Variants in SLC4A4 observed in about 807,000 individuals in gnomAD.
SLC4A4 encodes solute carrier family 4 member 4.
In SLC4A4, 27 loss-of-function variants were observed where a neutral mutation model predicts 111.5. The observed-to-expected ratio is 0.24, with a 90% CI of 0.18 to 0.33. The LOEUF is 0.33. Among genes scored for constraint, SLC4A4 ranks in the 10% least tolerant of loss-of-function variants. The pLI, the probability that SLC4A4 is intolerant of heterozygous loss-of-function variation, is 1.00. For synonymous variants in SLC4A4, 443 were observed against 463.4 expected (o/e 0.96, Z 0.57); for missense variants, 909 against 1,315.5 (o/e 0.69, Z 4.78).
chr4:71,084,809 G>A (rs958414553), intron 1 of SLC4A4, among the ~76,000 whole-genome samples: 1 of 152,156 alleles, frequency 6.6e-6, no homozygotes, highest in African/African-American at 2.4e-5. Flanking sequence ...TACTATTGAT[G>A]GACATTTGGG....
intron 2 of SLC4A4, among the ~76,000 whole-genome samples, chr4:71,158,700 C>T (rs1017551852): frequency 1.6e-4 from 24 of 152,126 alleles, no homozygotes; most frequent in African/African-American, 5.6e-4. Context: ...TTTTGATTTC[C>T]CATCAGACTG....
chr4:71,090,050 C>T (rs539780931), intron 1 of SLC4A4, among the ~76,000 whole-genome samples: 5 of 152,000 alleles, frequency 3.3e-5, no homozygotes, highest in African/African-American at 7.2e-5. Context: ...CCACCCAGTT[C>T]GAGCTTCCTC....
intron 16 of SLC4A4, among the ~76,000 whole-genome samples, chr4:71,500,748 C>G (rs75390493): frequency 6.6e-6 from 1 of 152,156 alleles, no homozygotes; most frequent in Non-Finnish European, 1.5e-5. Flanking sequence ...ATTGTGTGTT[C>G]TTGGCATCTT....
At chr4:71,154,550 G>A (rs1744408347) in intron 2 of SLC4A4, among the ~76,000 whole-genome samples, 1 of 152,096 alleles carries the variant, frequency 6.6e-6, no homozygotes, top group South Asian at 2.1e-4. Context: ...AATCAACAAA[G>A]AATTCTGGGT....
At chr4:71,411,811 C>T (rs996040854) in intron 7 of SLC4A4, among the ~76,000 whole-genome samples, 1 of 152,170 alleles carries the variant, frequency 6.6e-6, no homozygotes, top group Non-Finnish European at 1.5e-5. Flanking sequence ...GAGCAGGGCA[C>T]TTCATTGTAA....
chr4:71,182,711 A>C (rs1172919807), upstream of SLC4A4, among the ~76,000 whole-genome samples: 3 of 141,438 alleles, frequency 2.1e-5, no homozygotes, highest in East Asian at 6.1e-4. Flanking sequence ...GTGTATGTAC[A>C]TTTCACACAC....
At chr4:71,565,258 A>G (rs1384235071) in intron 24 of SLC4A4, among the ~76,000 whole-genome samples, 1 of 151,838 alleles carries the variant, frequency 6.6e-6, no homozygotes, top group African/African-American at 2.4e-5. Flanking sequence ...AATTGGCCTT[A>G]TGTTCCCTGC....
chr4:71,489,957 G>T (rs1353868867), intron 15 of SLC4A4, among the ~76,000 whole-genome samples: 2 of 151,720 alleles, frequency 1.3e-5, no homozygotes, highest in Admixed American at 6.6e-5. Context: ...GCAGGAGAGA[G>T]GGGTATTAGA....
At chr4:71,414,542 C>T (rs1157284322) in intron 7 of SLC4A4, among the ~76,000 whole-genome samples, 1 of 152,168 alleles carries the variant, frequency 6.6e-6, no homozygotes, top group East Asian at 1.9e-4. Context: ...TCTGGTTATT[C>T]TACCCTTTTA....
chr4:71,103,979 A>G (rs1742838600), intron 2 of SLC4A4, among the ~76,000 whole-genome samples: 1 of 106,624 alleles, frequency 9.4e-6, no homozygotes, highest in Non-Finnish European at 1.9e-5. Flanking sequence ...TAATGAATCC[A>G]GGAGCTGGTT....
At chr4:71,213,813 T>A (rs1197399524) in intron 1 of SLC4A4, among the ~76,000 whole-genome samples, 1 of 152,138 alleles carries the variant, frequency 6.6e-6, no homozygotes, top group Non-Finnish European at 1.5e-5. Context: ...TGGGAGGACA[T>A]GGTAAGAAGG....
intron 15 of SLC4A4, among the ~76,000 whole-genome samples, chr4:71,490,725 T>A (rs1729825912): frequency 6.6e-6 from 1 of 151,796 alleles, no homozygotes; most frequent in Non-Finnish European, 1.5e-5. Context: ...GTATTACCCA[T>A]GCACTTGGCA....
At chr4:71,400,281 T>C (rs1360277776) in intron 7 of SLC4A4, among the ~76,000 whole-genome samples, 1 of 152,198 alleles carries the variant, frequency 6.6e-6, no homozygotes, top group Non-Finnish European at 1.5e-5. Flanking sequence ...TGGCTTAAGA[T>C]GCATATTACA....
chr4:71,196,286 G>A (rs1444320876), intron 1 of SLC4A4, among the ~76,000 whole-genome samples: 3 of 152,162 alleles, frequency 2.0e-5, no homozygotes, highest in Non-Finnish European at 4.4e-5. Flanking sequence ...GAGCATTAAC[G>A]ATTAAGCAGA....
intron 16 of SLC4A4, among the ~76,000 whole-genome samples, chr4:71,499,990 G>T (rs1560565061): frequency 6.6e-6 from 1 of 152,168 alleles, no homozygotes; most frequent in East Asian, 1.9e-4. Flanking sequence ...TTTATTTTTT[G>T]GGGGAAACTT....
chr4:71,373,779 T>A (rs77802673), intron 6 of SLC4A4, among the ~76,000 whole-genome samples: 3,281 of 152,190 alleles, frequency 0.022, 114 homozygotes, highest in East Asian at 0.12. Context: ...TAAGCTAGGA[T>A]TGCGACTGTG....
intron 18 of SLC4A4, among the ~76,000 whole-genome samples, chr4:71,538,126 T>G (rs901793715): frequency 4.6e-5 from 7 of 152,146 alleles, no homozygotes; most frequent in African/African-American, 1.7e-4. Context: ...AAAAAATTTG[T>G]TAACAAATTC....
rs898826029 is a variant in SLC4A4, at chr4:71,567,009, A to G, written c.3202A>G (p.Arg1068Gly). ...TAAAAAATTTTATTTTCCAGGAGAA[A>G]GATCACCAACATTCCTTGAACGCCA... ...LSDSKPSDRE[R>G]SPTFLERHTS... Residue 1068 changes from arginine (R) to glycine (G), a missense_variant, in exon 25 of 26, where the codon AGA becomes GGA. Arg to Gly is a moderately radical substitution (Grantham distance 125). Coordinates refer to ENST00000264485, the MANE Select transcript of SLC4A4 (RefSeq NM_001098484.3). 1.2e-6 allele frequency: 2 copies of G among 1,609,554 alleles called. No individual in the cohort carries two copies. Among genetic ancestry groups the G allele is most frequent in the Non-Finnish European group, 1.7e-6 (2 of 1,177,130 alleles).
At chr4:71,354,506 T>C (rs1403092170) in intron 5 of SLC4A4, among the ~76,000 whole-genome samples, 1 of 152,192 alleles carries the variant, frequency 6.6e-6, no homozygotes, top group African/African-American at 2.4e-5. Flanking sequence ...ACCTTTCACA[T>C]CATGGGGGTT....
Sources: gnomAD v4.1 joint callset for allele counts (sites outside exome capture counted in the v4.1 genomes callset) on GRCh38, gnomAD v4.1.1 for gene constraint, MANE v1.5 for transcripts, NCBI Gene and HGNC (gene_info 2026-07-23, HGNC 2026-07-21) for gene names.